The following SLC30A4 variants were observed in gnomAD, a reference collection of about 807,000 sequenced individuals.
SLC30A4 encodes the protein probable proton-coupled zinc antiporter SLC30A4.
A neutral mutation model predicts 41.7 loss-of-function variants in SLC30A4; 20 were observed. The observed-to-expected ratio is 0.48, with a 90% CI of 0.34 to 0.70. The LOEUF is 0.70. Ranked by LOEUF, SLC30A4 falls within the 30% of genes least tolerant of loss-of-function variation. SLC30A4 has a pLI of 0.01. For synonymous variants in SLC30A4, 181 were observed against 195.9 expected, an observed-to-expected ratio of 0.92 and a Z score of 0.64; for missense variants, 441 against 529.3, an observed-to-expected ratio of 0.83 and a Z score of 1.64.
chr15:45,496,184 CTCTT>C (rs1407275935), intron 3 of SLC30A4, among the ~76,000 whole-genome samples: 1 of 152,100 alleles, frequency 6.6e-6, no homozygotes, highest in Non-Finnish European at 1.5e-5. Context: ...AAACAAAAAG[CTCTT>C]TCATTTGAAT....
At chr15:45,508,494 T>C (rs904737798) in intron 3 of SLC30A4, among the ~76,000 whole-genome samples, 1 of 152,194 alleles carries the variant, frequency 6.6e-6, no homozygotes. Context: ...TTAAGATCTG[T>C]TGGGCTGGTC....
intron 3 of SLC30A4, among the ~76,000 whole-genome samples, chr15:45,505,924 A>T (rs1441450644): frequency 6.6e-6 from 1 of 152,150 alleles, no homozygotes; most frequent in African/African-American, 2.4e-5. Context: ...TTATCTCTGT[A>T]ATCCCAGCAC....
chr15:45,517,942 C>T (rs750974606), intron 2 of SLC30A4, among the ~76,000 whole-genome samples: 11 of 152,112 alleles, frequency 7.2e-5, no homozygotes, highest in African/African-American at 1.2e-4. Context: ...AGCGAGACTC[C>T]GTCTCAAAAT....
intron 5 of SLC30A4, 36 bp downstream of exon 5, chr15:45,488,805 T>A: frequency 6.5e-7 from 1 of 1,544,890 alleles, no homozygotes; most frequent in Non-Finnish European, 8.9e-7. Flanking sequence ...TGAAATTAAG[T>A]ACATTTTAAA....
At position 45,482,458 on chromosome 15, in the gene SLC30A4, A is replaced by G. The variant is rs565457882; in HGVS notation, c.*2705T>C. On this transcript the variant is annotated 3_prime_UTR_variant, in exon 8 of 8. Transcript: ENST00000261867. Reference sequence around the variant, plus strand: ...TCTTTTCAATACTCAAATGAATTTTAGCCTGTTTTATCAAATACATTTTTT... The same window carrying G: ...TCTTTTCAATACTCAAATGAATTTTGGCCTGTTTTATCAAATACATTTTTT... 10 of 152,210 alleles carry G rather than the reference A, an allele frequency of 6.6e-5. No homozygotes were observed. Among genetic ancestry groups the G allele is most frequent in the Admixed American group, 2.0e-4 (3 of 15,272 alleles). The allele number at this position is 152,210 out of a possible 1,614,324, so 9.4% of individuals were successfully genotyped here.
At chr15:45,495,321 G>A (rs1891890043) in intron 3 of SLC30A4, among the ~76,000 whole-genome samples, 1 of 152,100 alleles carries the variant, frequency 6.6e-6, no homozygotes, top group Non-Finnish European at 1.5e-5. Context: ...TTCTGGGATA[G>A]TCCTAGTTTA....
chr15:45,498,659 T>C (rs1405764480), intron 3 of SLC30A4, among the ~76,000 whole-genome samples: 1 of 152,184 alleles, frequency 6.6e-6, no homozygotes, highest in East Asian at 1.9e-4. Context: ...CAGCGTGGAC[T>C]ACCTCACTCA....
chr15:45,490,858 C>T lies in SLC30A4; in HGVS notation c.562G>A (p.Val188Met), dbSNP rs879851877. 9 of 1,593,148 alleles carry T rather than the reference C, an allele frequency of 5.6e-6. No individual in the cohort carries two copies. Among genetic ancestry groups the T allele is most frequent in the Non-Finnish European group, 6.8e-6 (8 of 1,169,894 alleles). The change falls in exon 4 of 8, where the codon GTG becomes ATG. Residue 188 changes from valine to methionine, a missense_variant. Val to Met is a conservative substitution (Grantham distance 21, BLOSUM62 1). This residue lies in a region of SLC30A4 where 312 missense variants were observed against 341.9 expected (regional missense o/e 0.91). Coordinates refer to ENST00000261867, the MANE Select transcript of SLC30A4 (RefSeq NM_013309.6). ...RLEVLSAMIS[V>M]LLVYILMGFL... ...CCCATAAGTATATACACCAACAGCA[C>T]ACTAATCATAGCTGACAAAACCTCT...
Position 45,480,988 on chromosome 15 carries a change from C to T in SLC30A4, c.*4175G>A, listed in dbSNP as rs1278958737. 2 of 152,184 alleles carry T rather than the reference C, an allele frequency of 1.3e-5. No individual in the cohort carries two copies. The highest frequency in any genetic ancestry group is 1.3e-4 in the Admixed American group (2 of 15,272). 9.4% of individuals were successfully genotyped at this position (152,184 alleles called of 1,614,324 possible). ...CTGGACATACATTTCTAAGCGGTGC[C>T]TTGTCTCTGAAAGATGATTTTCCTC... On this transcript the variant is annotated 3_prime_UTR_variant, in exon 8 of 8. Coordinates refer to ENST00000261867, the MANE Select transcript of SLC30A4 (RefSeq NM_013309.6).
chr15:45,499,334 A>T (rs1891971519), intron 3 of SLC30A4, among the ~76,000 whole-genome samples: 1 of 152,026 alleles, frequency 6.6e-6, no homozygotes, highest in African/African-American at 2.4e-5. Context: ...GGCCTCTCAG[A>T]GTGCTGGGAT....
At chr15:45,512,387 T>G (rs1892323325) in intron 2 of SLC30A4, 1 of 152,226 alleles carries the variant, frequency 6.6e-6, no homozygotes, top group East Asian at 1.9e-4. Flanking sequence ...TGCTGATGCT[T>G]CAAGTCTTGG....
At chr15:45,491,621 C>A (rs966677446) in intron 3 of SLC30A4, among the ~76,000 whole-genome samples, 2 of 152,146 alleles carry the variant, frequency 1.3e-5, no homozygotes, top group African/African-American at 4.8e-5. Context: ...TAACAAGGTT[C>A]CAGGGTGGCA....
intron 2 of SLC30A4, among the ~76,000 whole-genome samples, chr15:45,521,294 G>T (rs1293720543): frequency 1.3e-5 from 2 of 152,190 alleles, no homozygotes; most frequent in Non-Finnish European, 2.9e-5. Flanking sequence ...CAGGCTCATA[G>T]AACTTTGGCG....
At chr15:45,503,266 G>A (rs1019154478) in intron 3 of SLC30A4, among the ~76,000 whole-genome samples, 1 of 152,126 alleles carries the variant, frequency 6.6e-6, no homozygotes, top group South Asian at 2.1e-4. Flanking sequence ...AAGAAGACCT[G>A]AAATTAATTT....
chr15:45,522,753 T>C lies in SLC30A4; in HGVS notation c.-261A>G, dbSNP rs1892718507. ...CGCTGCTGGAGGCCGGCTCCCCAGG[T>C]CTGACAGGTTCGGGGCCGGACGCCC... On this transcript the variant is annotated 5_prime_UTR_variant, in exon 1 of 8. Coordinates refer to ENST00000261867, the MANE Select transcript of SLC30A4 (RefSeq NM_013309.6). 1 of 155,542 alleles carries C rather than the reference T, an allele frequency of 6.4e-6. No homozygotes were observed. Among genetic ancestry groups the C allele is most frequent in the Non-Finnish European group, 1.4e-5 (1 of 70,868 alleles). The allele number at this position is 155,542 out of a possible 1,614,324, so 9.6% of individuals were successfully genotyped here. A position where few individuals can be genotyped will look rare whatever the true frequency, so the allele number is the denominator to read the frequency against.
At chr15:45,508,022 T>C (rs1892196754) in intron 3 of SLC30A4, among the ~76,000 whole-genome samples, 1 of 151,960 alleles carries the variant, frequency 6.6e-6, no homozygotes, top group Non-Finnish European at 1.5e-5. Flanking sequence ...AGGGTCTTCC[T>C]ATGTTGCCCA....
intron 3 of SLC30A4, among the ~76,000 whole-genome samples, chr15:45,494,916 T>C (rs1891881212): frequency 6.6e-6 from 1 of 151,988 alleles, no homozygotes; most frequent in Admixed American, 6.6e-5. Context: ...CCCTGCTACT[T>C]GGGAAGCTGA....
intron 3 of SLC30A4, among the ~76,000 whole-genome samples, chr15:45,504,010 G>T (rs1892097641): frequency 6.6e-6 from 1 of 151,910 alleles, no homozygotes. Flanking sequence ...TAATCTTTGG[G>T]TTACAGAAGA....
At position 45,482,221 on chromosome 15, in the gene SLC30A4, C is replaced by G. The variant is rs975124125; in HGVS notation, c.*2942G>C. ...TCACTTGAGCTCAGGAGTTCAAGAC[C>G]AGCCTGGGCAACATGGTGAAACACT... On this transcript the variant is annotated 3_prime_UTR_variant, in exon 8 of 8. Transcript: ENST00000261867. The G allele has an allele frequency of 2.0e-5, 3 of 152,120 alleles. No individual in the cohort carries two copies. The highest frequency in any genetic ancestry group is 4.4e-5 in the Non-Finnish European group (3 of 68,204). The allele number at this position is 152,120 out of a possible 1,614,324, so 9.4% of individuals were successfully genotyped here.
Sources: allele counts gnomAD v4.1 joint callset (sites outside exome capture counted in the v4.1 genomes callset), GRCh38; gene constraint gnomAD v4.1.1; regional missense constraint gnomAD v4.1.1; transcripts MANE v1.5; gene names NCBI Gene and HGNC (gene_info 2026-07-23, HGNC 2026-07-21).